Variants in PKMYT1 observed in about 807,000 individuals in gnomAD.
PKMYT1 encodes the protein protein kinase, membrane associated tyrosine/threonine 1.
A neutral mutation model predicts 49.7 loss-of-function variants in PKMYT1; 35 were observed. The ratio of observed to expected loss-of-function variants is 0.70; its 90% CI spans 0.54 to 0.93. The LOEUF (loss-of-function observed/expected upper bound fraction) is 0.93, where lower values mean the gene tolerates loss of function less well. Ranked by LOEUF, PKMYT1 falls within the 40% of genes least tolerant of loss-of-function variation. The pLI is 0.00. For missense variants in PKMYT1, 677 were observed against 673.1 expected (o/e 1.01, Z -0.06); for synonymous variants, 331 against 287.6 (o/e 1.15, Z -1.53).
chr16:2,978,952 G>C (rs1000961499), intron 2 of PKMYT1, among the ~76,000 whole-genome samples: 9 of 151,464 alleles, frequency 5.9e-5, no homozygotes, highest in African/African-American at 2.2e-4. Flanking sequence ...GATTACAGGC[G>C]TGTGCCAACA....
In PKMYT1 at chr16:2,979,801, G is replaced by A. The variant is rs2072293624; in HGVS notation, c.-144C>T. On this transcript the variant is annotated 5_prime_UTR_variant, in exon 2 of 9. Coordinates refer to ENST00000262300, the MANE Select transcript of PKMYT1 (RefSeq NM_004203.5). ...GGGCCCTGGGCGATCGGGCCGTCTC[G>A]CCTCACCCTCTCACCAGGCCCGACA... The A allele has an allele frequency of 1.1e-6, 1 of 903,274 alleles. No homozygotes were observed. Among genetic ancestry groups the A allele is most frequent in the African/African-American group, 1.6e-5 (1 of 60,884 alleles). The allele number at this position is 903,274 out of a possible 1,614,324, so 56.0% of individuals were successfully genotyped here.
In PKMYT1 at chr16:2,974,534, G is replaced by A. The variant is rs748427736; in HGVS notation, c.979+16C>T. The A allele has an allele frequency of 1.2e-4, 191 of 1,547,122 alleles. No homozygotes were observed. The highest frequency in any genetic ancestry group is 3.4e-4 in the Middle Eastern group (2 of 5,896). ...GGAGCCCGTGGCAGCACCCCCTCCC[G>A]CCCTCACCTACTCACCGGCAGTGAA... On this transcript the variant is annotated intron_variant, in intron 5 of 8. Coordinates refer to ENST00000262300, the MANE Select transcript of PKMYT1 (RefSeq NM_004203.5).
At position 2,975,492 on chromosome 16, in the gene PKMYT1, A is replaced by G. The variant is rs56012022; in HGVS notation, c.699T>C (p.Asp233=). 40 of 1,612,856 alleles carry G rather than the reference A, an allele frequency of 2.5e-5. No individual in the cohort carries two copies. Among genetic ancestry groups the G allele is most frequent in the East Asian group, 2.2e-4 (10 of 44,878 alleles). ...HLHSQGLVHL[D]VKPANIFLGP... is the part of the protein sequence containing the mutation. ...CCAGGAAGATGTTGGCAGGCTTGAC[A>G]TCAAGGTGCACCAGGCCCTGGCTGT... is the stretch of plus-strand genomic sequence containing the variant. The change falls in exon 4 of 9, where the codon GAT becomes GAC. Residue 233 remains aspartate, a synonymous_variant. Transcript: ENST00000262300.
intron 4 of PKMYT1, among the ~76,000 whole-genome samples, 185 bp downstream of exon 4, chr16:2,975,134 C>T (rs1211263914): frequency 6.6e-6 from 1 of 152,182 alleles, no homozygotes; most frequent in Non-Finnish European, 1.5e-5. Context: ...CTGGAGGGTT[C>T]GAGGCTCACA....
rs1160587740 is a variant in PKMYT1 at position 2,975,648 on chromosome 16, G to A, written c.543C>T (p.Gly181=). 2.5e-6 allele frequency: 4 copies of A among 1,611,410 alleles called. No individual in the cohort carries two copies. The highest frequency in any genetic ancestry group is 3.4e-6 in the Non-Finnish European group (4 of 1,179,786). Residue 181 remains glycine (G), a synonymous_variant, in exon 4 of 9, where the codon GGC becomes GGT. Transcript: ENST00000262300. ...ACAGCTCCGTCTGCAGGTACAGGAT[G>A]CCGCCCTCCTCCCAGGCCTGCTCCA... ...VRLEQAWEEG[G]ILYLQTELCG...
intron 6 of PKMYT1, 21 bp from the exon 7 acceptor site, chr16:2,974,178 G>A (rs1214929382): frequency 1.9e-6 from 3 of 1,584,342 alleles, no homozygotes; most frequent in East Asian, 2.3e-5. Flanking sequence ...GAGGAGCTCA[G>A]GATGTGGGTG....
chr16:2,976,382 C>A (rs1229040069), intron 3 of PKMYT1, among the ~76,000 whole-genome samples: 1 of 152,204 alleles, frequency 6.6e-6, no homozygotes, highest in Non-Finnish European at 1.5e-5. Context: ...AAGGACGCTG[C>A]ACAGCTGGCG....
chr16:2,975,783 A>G lies in PKMYT1; in HGVS notation c.408T>C (p.Tyr136=). 1 of 1,597,948 alleles carries G rather than the reference A, an allele frequency of 6.3e-7. No individual in the cohort carries two copies. ...ATGGTGACATGGAACGCTTTACCGCATAGAGCCGGCCGTCCTCCTTGGAGC... is the reference window on the plus strand; with the variant it reads ...ATGGTGACATGGAACGCTTTACCGCGTAGAGCCGGCCGTCCTCCTTGGAGC... ...KVRSKEDGRL[Y]AVKRSMSPFR... Residue 136 remains tyrosine (Y), a synonymous_variant, in exon 4 of 9, where the codon TAT becomes TAC. Transcript: ENST00000262300.
At position 2,977,743 on chromosome 16, in the gene PKMYT1, C is replaced by A. The variant is rs4149774; in HGVS notation, c.11-712G>T. On this transcript the variant is annotated intron_variant, in intron 2 of 8. Coordinates refer to ENST00000262300, the MANE Select transcript of PKMYT1 (RefSeq NM_004203.5). Reference sequence around the variant, plus strand: ...CCCACCTCCAGCACCCCTCTCCCCCCGCCTAGCACTGGGGGCAGGTGTGGC... The same window carrying A: ...CCCACCTCCAGCACCCCTCTCCCCCAGCCTAGCACTGGGGGCAGGTGTGGC... Among the ~76,000 whole-genome samples, 698 of 152,302 alleles carry A rather than the reference C, an allele frequency of 4.6e-3. 7 individuals are homozygous for A. Among genetic ancestry groups the A allele is most frequent in the African/African-American group, 0.016 (658 of 41,560 alleles).
Position 2,974,626 on chromosome 16 carries a change from G to A in PKMYT1, c.903C>T (p.Cys301=), listed in dbSNP as rs2072131177. ...CCCCACCGTGGGGCAGCTCCATGTT[G>A]CATGCCACTTCCAGGATGGTGAGGC... is the stretch of plus-strand genomic sequence containing the variant. ...SLGLTILEVA[C]NMELPHGGEG... The change falls in exon 5 of 9, where the codon TGC becomes TGT. Residue 301 remains cysteine, a synonymous_variant. Transcript: ENST00000262300. 4 of 1,573,018 alleles carry A rather than the reference G, an allele frequency of 2.5e-6. No individual in the cohort carries two copies. Among genetic ancestry groups the A allele is most frequent in the African/African-American group, 2.7e-5 (2 of 74,264 alleles).
At chr16:2,974,935 C>T in intron 4 of PKMYT1, 1 of 565,998 alleles carries the variant, frequency 1.8e-6, no homozygotes, top group Non-Finnish European at 3.1e-6. Flanking sequence ...TTACTGCTGG[C>T]AGGTATTACT....
chr16:2,975,156 CAG>C (rs2072150595), intron 4 of PKMYT1, among the ~76,000 whole-genome samples, 161 bp downstream of exon 4: 1 of 152,222 alleles, frequency 6.6e-6, no homozygotes, highest in Admixed American at 6.5e-5. Context: ...GCAGCCTGAC[CAG>C]AGACGCTCTC....
chr16:2,976,883 A>G lies in PKMYT1; in HGVS notation c.159T>C (p.Pro53=). 6.5e-7 allele frequency: 1 copy of G among 1,533,634 alleles called. No homozygotes were observed. Among genetic ancestry groups the G allele is most frequent in the Non-Finnish European group, 8.8e-7 (1 of 1,134,244 alleles). The change falls in exon 3 of 9, where the codon CCT becomes CCC. Residue 53 remains proline, a synonymous_variant. Coordinates refer to ENST00000262300, the MANE Select transcript of PKMYT1 (RefSeq NM_004203.5). ...GAATGCTGCCCTTGGCAGGGGGCGGAGGTGGGAGGCTCCGGCTGAGCCCCC... is the reference window on the plus strand; with the variant it reads ...GAATGCTGCCCTTGGCAGGGGGCGGGGGTGGGAGGCTCCGGCTGAGCCCCC... The part of the protein sequence containing the change: ...RPRGLSRSLP[P]PPPAKGSIPI...
Position 2,972,906 on chromosome 16 carries a change from A to T in PKMYT1, c.*47T>A, listed in dbSNP as rs144387732. ...GGCCCCAGCTTTCAAGGGCGACGGG[A>T]GAGACACAGGATAAAAGGTTAAAAG... On this transcript the variant is annotated 3_prime_UTR_variant, in exon 9 of 9. Transcript: ENST00000262300. 16 of 1,561,964 alleles carry T rather than the reference A, an allele frequency of 1.0e-5. No homozygotes were observed. The East Asian group carries it at 3.7e-4, about 36-fold the overall frequency.
Position 2,975,299 on chromosome 16 carries a change from T to A in PKMYT1, c.872+20A>T. The A allele has an allele frequency of 6.3e-7, 1 of 1,583,976 alleles. No individual in the cohort carries two copies. The highest frequency in any genetic ancestry group is 1.1e-5 in the South Asian group (1 of 88,998). ...GGCCTCCCACAGCCTGCCAAACACCTGGCGTGCCCCGGTCCCCACCTGAAC... is the reference window on the plus strand; with the variant it reads ...GGCCTCCCACAGCCTGCCAAACACCAGGCGTGCCCCGGTCCCCACCTGAAC... On this transcript the variant is annotated intron_variant, in intron 4 of 8. Coordinates refer to ENST00000262300, the MANE Select transcript of PKMYT1 (RefSeq NM_004203.5).
Position 2,975,759 on chromosome 16 carries a change from T to C in PKMYT1, c.432A>G (p.Pro144=). Residue 144 remains proline (P), a synonymous_variant, in exon 4 of 9, where the codon CCA becomes CCG. Transcript: ENST00000262300. ...GGGCCCGGTCCTTGGGGCCCCGGAATGGTGACATGGAACGCTTTACCGCAT... is the reference window on the plus strand; with the variant it reads ...GGGCCCGGTCCTTGGGGCCCCGGAACGGTGACATGGAACGCTTTACCGCAT... ...RLYAVKRSMS[P]FRGPKDRARK... 1.2e-6 allele frequency: 2 copies of C among 1,600,522 alleles called. No homozygotes were observed. The highest frequency in any genetic ancestry group is 1.1e-5 in the South Asian group (1 of 91,044).
At chr16:2,973,416 GC>G in intron 7 of PKMYT1, 1 of 1,533,736 alleles carries the variant, frequency 6.5e-7, no homozygotes, top group East Asian at 2.5e-5. Flanking sequence ...GCACTCCAAG[GC>G]CCCCTCTGTC....
chr16:2,975,616 G>T lies in PKMYT1; in HGVS notation c.575C>A (p.Pro192His). 6.2e-7 allele frequency: 1 copy of T among 1,611,486 alleles called. No individual in the cohort carries two copies. The change falls in exon 4 of 9, where the codon CCC becomes CAC. Residue 192 changes from proline to histidine, a missense_variant. Transcript: ENST00000262300. Reference protein sequence around the residue: ...ILYLQTELCGPSLQQHCEAWG... With the variant: ...ILYLQTELCGHSLQQHCEAWG... Reference sequence around the variant, plus strand: ...GGCCTCACAGTGTTGCTGCAGGCTGGGCCCGCACAGCTCCGTCTGCAGGTA... The same window carrying T: ...GGCCTCACAGTGTTGCTGCAGGCTGTGCCCGCACAGCTCCGTCTGCAGGTA...
At chr16:2,978,621 G>A (rs569514867) in intron 2 of PKMYT1, among the ~76,000 whole-genome samples, 1 of 151,876 alleles carries the variant, frequency 6.6e-6, no homozygotes, top group East Asian at 2.0e-4. Context: ...GGTGGTGCAT[G>A]CCTGTAGTCC....
Sources: allele counts gnomAD v4.1 joint callset (sites outside exome capture counted in the v4.1 genomes callset), GRCh38; gene constraint gnomAD v4.1.1; transcripts MANE v1.5; gene names NCBI Gene and HGNC (gene_info 2026-07-23, HGNC 2026-07-21).